Variants in CASTOR2 observed in about 807,000 individuals in gnomAD.
The protein encoded by CASTOR2 is GATS protein like 2.
A neutral mutation model predicts 31.2 loss-of-function variants in CASTOR2; 8 were observed. That is an observed-to-expected ratio of 0.26 (90% CI 0.15 to 0.46). The LOEUF is 0.46. Ranked by LOEUF, CASTOR2 falls within the 20% of genes least tolerant of loss-of-function variation. The pLI is 0.99. For missense variants in CASTOR2, 216 were observed against 382.1 expected (o/e 0.57, Z 3.62); for synonymous variants, 162 against 158.7 (o/e 1.02, Z -0.16).
At chr7:75,012,425 C>T (rs1237296890) in intron 2 of CASTOR2, among the ~76,000 whole-genome samples, 1 of 151,906 alleles carries the variant, frequency 6.6e-6, no homozygotes, top group African/African-American at 2.4e-5. Context: ...GCCTCAGCCT[C>T]CTGAGTAGCT....
intron 7 of CASTOR2, among the ~76,000 whole-genome samples, chr7:75,022,747 C>T (rs1805035073): frequency 6.6e-6 from 1 of 152,084 alleles, no homozygotes; most frequent in African/African-American, 2.4e-5. Flanking sequence ...TGCGATGAGC[C>T]AAGATCGCTC....
At position 75,019,894 on chromosome 7, in the gene CASTOR2, G is replaced by A. The variant is rs938699903; in HGVS notation, c.636-145G>A. The A allele has an allele frequency of 1.6e-4, 111 of 694,504 alleles. No homozygotes were observed. The East Asian group carries it at 1.8e-3, about 11-fold the overall frequency. The allele number at this position is 694,504 out of a possible 1,614,324, so 43.0% of individuals were successfully genotyped here. ...TGAATGCGGTGAAATCATCCCCGTGGCATAGCGAGCAGGATGAGAAGGACA... is the reference window on the plus strand; with the variant it reads ...TGAATGCGGTGAAATCATCCCCGTGACATAGCGAGCAGGATGAGAAGGACA... On this transcript the variant is annotated intron_variant, in intron 5 of 8. Coordinates refer to ENST00000616305, the MANE Select transcript of CASTOR2 (RefSeq NM_001145064.3).
rs1295541359 is a variant in CASTOR2 at position 74,986,255 on chromosome 7, T to TA, written c.113+21157_113+21158insA. Among the ~76,000 whole-genome samples the TA allele has an allele frequency of 5.7e-3, 857 of 149,284 alleles. 8 individuals carry two copies. The highest frequency in any genetic ancestry group is 0.02 in the African/African-American group (811 of 40,340). On this transcript the variant is annotated intron_variant, in intron 1 of 8. Coordinates refer to ENST00000616305, the MANE Select transcript of CASTOR2 (RefSeq NM_001145064.3). The stretch of plus-strand genomic sequence containing the variant: ...GGATACTGTCTTTAGAACATGCCTG[T>TA]GGGGGGTGGATCACAAGGTCAGGAG...
At chr7:75,000,535 A>G (rs1804469831) in intron 1 of CASTOR2, among the ~76,000 whole-genome samples, 1 of 152,162 alleles carries the variant, frequency 6.6e-6, no homozygotes, top group Non-Finnish European at 1.5e-5. Flanking sequence ...ACAGGCGCCC[A>G]TAACATCCAA....
At chr7:75,012,276 C>T (rs1274551200) in intron 2 of CASTOR2, among the ~76,000 whole-genome samples, 17 of 152,120 alleles carry the variant, frequency 1.1e-4, no homozygotes, top group Admixed American at 2.0e-4. Flanking sequence ...TCTCCTTGGA[C>T]GCTCTGCTTC....
intron 2 of CASTOR2, among the ~76,000 whole-genome samples, chr7:75,014,385 C>T (rs1175344367): frequency 3.4e-5 from 5 of 145,708 alleles, no homozygotes; most frequent in Admixed American, 2.8e-4. Flanking sequence ...ACCAGCCTGC[C>T]CAACATGGTG....
At chr7:74,994,287 AATT>A (rs1404857708) in intron 1 of CASTOR2, among the ~76,000 whole-genome samples, 1 of 152,180 alleles carries the variant, frequency 6.6e-6, no homozygotes, top group East Asian at 1.9e-4. Flanking sequence ...ACTGGTGTGC[AATT>A]CTCTTTCACC....
At position 75,019,113 on chromosome 7, in the gene CASTOR2, A is replaced by C; in HGVS notation, c.635+18A>C. On this transcript the variant is annotated intron_variant, in intron 5 of 8. Coordinates refer to ENST00000616305, the MANE Select transcript of CASTOR2 (RefSeq NM_001145064.3). ...TCCAATGGGTAGGGCTGCCTTGGGC[A>C]TGAGGGGTTGCAGGGTGGGCCAGGG... is the stretch of plus-strand genomic sequence containing the variant. 4 of 1,551,754 alleles carry C rather than the reference A, an allele frequency of 2.6e-6. No individual in the cohort carries two copies. Among genetic ancestry groups the C allele is most frequent in the Non-Finnish European group, 3.5e-6 (4 of 1,146,988 alleles).
At chr7:74,990,887 G>A (rs1369732891) in intron 1 of CASTOR2, among the ~76,000 whole-genome samples, 3 of 151,784 alleles carry the variant, frequency 2.0e-5, no homozygotes, top group East Asian at 1.9e-4. Context: ...AATTAGTTGG[G>A]TGTGGTGGCA....
chr7:75,023,464 C>T (rs1350096428), intron 7 of CASTOR2, among the ~76,000 whole-genome samples: 6 of 139,094 alleles, frequency 4.3e-5, no homozygotes, highest in East Asian at 2.2e-4. Context: ...TTTTTTTTTT[C>T]TTTTTGTTTT....
intron 2 of CASTOR2, among the ~76,000 whole-genome samples, chr7:75,008,915 A>G (rs1217583723): frequency 6.6e-6 from 1 of 152,060 alleles, no homozygotes; most frequent in Non-Finnish European, 1.5e-5. Context: ...ACGTCTGTGA[A>G]TAGCCACTGC....
chr7:75,024,332 A>C, intron 7 of CASTOR2, 108 bp from the exon 8 acceptor site: 1 of 1,056,184 alleles, frequency 9.5e-7, no homozygotes, highest in South Asian at 1.4e-5. Context: ...CTCTAGGAGG[A>C]TGGTGGGTGC....
chr7:75,005,103 G>A (rs74769518), intron 1 of CASTOR2, among the ~76,000 whole-genome samples: 286 of 152,080 alleles, frequency 1.9e-3, no homozygotes, highest in Non-Finnish European at 2.8e-3. Flanking sequence ...CTGACCTCAG[G>A]TGATCCAACC....
chr7:74,987,403 G>GAAAA (rs1211864183), intron 1 of CASTOR2, among the ~76,000 whole-genome samples: 1 of 91,644 alleles, frequency 1.1e-5, no homozygotes, highest in Non-Finnish European at 2.4e-5. Flanking sequence ...GTCTCAAAAA[G>GAAAA]AAAAAAAAAA....
At chr7:75,009,884 ATTTTTTTTTT>A (rs1186959059) in intron 2 of CASTOR2, among the ~76,000 whole-genome samples, 3 of 128,690 alleles carry the variant, frequency 2.3e-5, no homozygotes, top group African/African-American at 8.7e-5. Context: ...CAGGCACTTA[ATTTTTTTTTT>A]TTTTTTTTTT....
intron 2 of CASTOR2, among the ~76,000 whole-genome samples, chr7:75,010,206 G>A (rs1215559102): frequency 3.3e-5 from 5 of 152,120 alleles, no homozygotes; most frequent in African/African-American, 9.7e-5. Context: ...AGGACTTCCT[G>A]GAGGAGGTGA....
chr7:74,997,812 G>GT (rs1804388384), intron 1 of CASTOR2, among the ~76,000 whole-genome samples: 1 of 151,928 alleles, frequency 6.6e-6, no homozygotes, highest in African/African-American at 2.4e-5. Context: ...CTGGGGACTT[G>GT]TTTTTCAACC....
At chr7:74,965,857 C>CACACACACAT (rs1204886787) in intron 1 of CASTOR2, among the ~76,000 whole-genome samples, 1 of 15,376 alleles carries the variant, frequency 6.5e-5, no homozygotes, top group Non-Finnish European at 1.1e-4. Context: ...GAATCACACA[C>CACACACACAT]ACACACACAC....
chr7:74,988,560 C>T (rs1438779752), intron 1 of CASTOR2, among the ~76,000 whole-genome samples: 1 of 152,104 alleles, frequency 6.6e-6, no homozygotes, highest in Non-Finnish European at 1.5e-5. Flanking sequence ...GCCTCCCAGA[C>T]TACTGGGATT....
Sources: gnomAD v4.1 joint callset for allele counts (sites outside exome capture counted in the v4.1 genomes callset) on GRCh38, gnomAD v4.1.1 for gene constraint, MANE v1.5 for transcripts, NCBI Gene and HGNC (gene_info 2026-07-23, HGNC 2026-07-21) for gene names.